Variants in ARHGEF4 observed in about 807,000 individuals in gnomAD.
The protein encoded by ARHGEF4 is APC-stimulated guanine nucleotide exchange factor 1.
Under a neutral mutation model 162.0 loss-of-function variants are expected in ARHGEF4, and 119 were observed. The ratio of observed to expected loss-of-function variants is 0.73; its 90% CI spans 0.63 to 0.86. The LOEUF is 0.86. Among genes scored for constraint, ARHGEF4 ranks in the 40% least tolerant of loss-of-function variants. ARHGEF4 has a pLI of 0.00. For synonymous variants in ARHGEF4, 1,014 were observed against 979.9 expected, an observed-to-expected ratio of 1.03 and a Z score of -0.65; for missense variants, 2,488 against 2,456.0, an observed-to-expected ratio of 1.01 and a Z score of -0.28.
chr2:130,919,204 T>C (rs1199361048), intron 2 of ARHGEF4, among the ~76,000 whole-genome samples: 1 of 152,234 alleles, frequency 6.6e-6, no homozygotes, highest in Non-Finnish European at 1.5e-5. Context: ...CTGATTGGCA[T>C]TGAGGTAATC....
At position 131,012,680 on chromosome 2, in the gene ARHGEF4, C is replaced by T. The variant is rs150177913; in HGVS notation, c.3986-15265C>T. Among the ~76,000 whole-genome samples the T allele has an allele frequency of 9.2e-3, 1,397 of 152,210 alleles. 22 individuals are homozygous for T. Among genetic ancestry groups the T allele is most frequent in the African/African-American group, 0.03 (1,258 of 41,528 alleles). On this transcript the variant is annotated intron_variant, in intron 4 of 13. Transcript: ENST00000409359. ...ACTGCAACCTCCGCCTCCTGGGTCC[C>T]AGTGATTCTCATGCCTCAGCCTCCT...
chr2:131,017,213 A>G (rs774139853), intron 4 of ARHGEF4, among the ~76,000 whole-genome samples: 2 of 152,204 alleles, frequency 1.3e-5, no homozygotes, highest in Non-Finnish European at 2.9e-5. Flanking sequence ...TGAGACCCAC[A>G]GTAGCTTTGT....
chr2:130,870,367 A>C (rs553680283), intron 1 of ARHGEF4, among the ~76,000 whole-genome samples: 1 of 152,276 alleles, frequency 6.6e-6, no homozygotes, highest in African/African-American at 2.4e-5. Flanking sequence ...GAAAAGCAGG[A>C]ATGGGCATGA....
Position 130,916,871 on chromosome 2 carries a change from A to AC in ARHGEF4, c.2928dup (p.Glu977ArgfsTer13). The AC allele has an allele frequency of 6.5e-7, 1 of 1,550,358 alleles. No individual in the cohort carries two copies. On this transcript the variant is annotated frameshift_variant, in exon 2 of 14. Transcript: ENST00000409359. LOFTEE classifies it high-confidence loss of function. ...CCACCCTAGTGAGTCTGCCTCTAGG[A>AC]CCCGAAGTTCTCTCCCCAGCAGAGA...
chr2:130,846,882 G>A (rs1286833218), intron 1 of ARHGEF4, among the ~76,000 whole-genome samples: 3 of 152,148 alleles, frequency 2.0e-5, no homozygotes, highest in Non-Finnish European at 4.4e-5. Flanking sequence ...CCCGGGGGTC[G>A]AGTTATGTGA....
chr2:131,023,332 T>G (rs1018801904), intron 4 of ARHGEF4, among the ~76,000 whole-genome samples: 2 of 151,352 alleles, frequency 1.3e-5, no homozygotes, highest in Non-Finnish European at 2.9e-5. Flanking sequence ...ACTCAGGAGG[T>G]TGAGGTGAGA....
intron 4 of ARHGEF4, among the ~76,000 whole-genome samples, chr2:130,952,046 A>G (rs1683990081): frequency 6.6e-6 from 1 of 152,164 alleles, no homozygotes; most frequent in Non-Finnish European, 1.5e-5. Flanking sequence ...ATACAGTTGC[A>G]TGTTAAGAGA....
chr2:131,023,171 G>A (rs1057385782), intron 4 of ARHGEF4, among the ~76,000 whole-genome samples: 1 of 150,340 alleles, frequency 6.7e-6, no homozygotes, highest in Non-Finnish European at 1.5e-5. Flanking sequence ...GTTTACACTT[G>A]TAATCTCAGC....
At chr2:130,921,620 C>G (rs1429706519) in intron 2 of ARHGEF4, among the ~76,000 whole-genome samples, 1 of 152,178 alleles carries the variant, frequency 6.6e-6, no homozygotes, top group Non-Finnish European at 1.5e-5. Flanking sequence ...TTTAGCCATT[C>G]TGCTAGGTGT....
intron 4 of ARHGEF4, among the ~76,000 whole-genome samples, chr2:130,967,973 G>A (rs1442943987): frequency 6.6e-6 from 1 of 152,166 alleles, no homozygotes; most frequent in East Asian, 1.9e-4. Context: ...AACCAGATAA[G>A]TTCCCCAAGC....
At chr2:130,866,385 G>A (rs1016092475) in intron 1 of ARHGEF4, among the ~76,000 whole-genome samples, 3 of 151,812 alleles carry the variant, frequency 2.0e-5, no homozygotes, top group Admixed American at 6.6e-5. Context: ...ACTCCGTCTG[G>A]AAAAAAAAGA....
At chr2:130,924,216 G>A (rs1470257667) in intron 2 of ARHGEF4, among the ~76,000 whole-genome samples, 1 of 151,352 alleles carries the variant, frequency 6.6e-6, no homozygotes, top group Non-Finnish European at 1.5e-5. Flanking sequence ...TTCCTCACCT[G>A]TGGATTGCTG....
chr2:131,046,135 C>T lies in ARHGEF4; in HGVS notation c.5577C>T (p.Arg1859=), dbSNP rs1439588165. The part of the protein sequence containing the change: ...QQVLVLAEPR[R]KPSTFWHSIS... ...TCCTGGTGCTGGCGGAGCCCAGGCGCAAGCCATCTACCTTCTGGCACAGCA... is the reference window on the plus strand; with the variant it reads ...TCCTGGTGCTGGCGGAGCCCAGGCGTAAGCCATCTACCTTCTGGCACAGCA... The change falls in exon 14 of 14, where the codon CGC becomes CGT. Residue 1859 remains arginine (R), a synonymous_variant. Coordinates refer to ENST00000409359, the MANE Select transcript of ARHGEF4 (RefSeq NM_001367493.1). 1 of 1,613,072 alleles carries T rather than the reference C, an allele frequency of 6.2e-7. No homozygotes were observed. Among genetic ancestry groups the T allele is most frequent in the African/African-American group, 1.3e-5 (1 of 75,062 alleles).
chr2:131,041,903 G>C lies in ARHGEF4; in HGVS notation c.4984G>C (p.Asp1662His). The C allele has an allele frequency of 1.9e-6, 3 of 1,613,644 alleles. No homozygotes were observed. Among genetic ancestry groups the C allele is most frequent in the South Asian group, 1.1e-5 (1 of 91,080 alleles). ...NERKRRLENI[D>H]KIAQWQSSIE... ...GCGGAAGCGGAGACTTGAGAACATC[G>C]ACAAGATTGCTCAGTGGCAGAGCTC... The change falls in exon 10 of 14, where the codon GAC becomes CAC. Residue 1662 changes from aspartate (D) to histidine (H), a missense_variant. Physicochemically the swap from Asp to His is moderately conservative, Grantham distance 81 (BLOSUM62 -1). Coordinates refer to ENST00000409359, the MANE Select transcript of ARHGEF4 (RefSeq NM_001367493.1).
chr2:130,992,437 G>T (rs959828282), intron 4 of ARHGEF4, among the ~76,000 whole-genome samples: 1 of 152,058 alleles, frequency 6.6e-6, no homozygotes, highest in Admixed American at 6.5e-5. Context: ...GCGAGACCAC[G>T]AGCCCACCGG....
chr2:131,009,939 T>C lies in ARHGEF4; in HGVS notation c.3986-18006T>C, dbSNP rs184782438. 4.5e-3 allele frequency among the ~76,000 whole-genome samples: 684 copies of C among 152,338 alleles called. 5 individuals are homozygous for C. The highest frequency in any genetic ancestry group is 8.1e-3 in the Non-Finnish European group (551 of 68,030). On this transcript the variant is annotated intron_variant, in intron 4 of 13. Coordinates refer to ENST00000409359, the MANE Select transcript of ARHGEF4 (RefSeq NM_001367493.1). ...ATAGTTTACAGTCTTTGGATTCTGTTGTTTCTCTGAAGAGGTTTTTGTTTT... is the reference window on the plus strand; with the variant it reads ...ATAGTTTACAGTCTTTGGATTCTGTCGTTTCTCTGAAGAGGTTTTTGTTTT...
chr2:131,038,826 C>T, intron 5 of ARHGEF4, 27 bp from the exon 6 acceptor site: 1 of 1,582,470 alleles, frequency 6.3e-7, no homozygotes. Flanking sequence ...CCCCCACTGA[C>T]CCGCCTGCCC....
At chr2:130,926,014 CTCTTTCTTTCTT>C (rs1553514612) in intron 2 of ARHGEF4, among the ~76,000 whole-genome samples, 4 of 97,206 alleles carry the variant, frequency 4.1e-5, no homozygotes, top group African/African-American at 2.0e-4. Context: ...TTGGTTTTCT[CTCTTTCTTTCTT>C]TCTTTCTTTC....
intron 1 of ARHGEF4, among the ~76,000 whole-genome samples, chr2:130,879,591 T>A (rs533340972): frequency 1.3e-5 from 2 of 152,152 alleles, no homozygotes; most frequent in South Asian, 4.1e-4. Flanking sequence ...ACTTTCCCAA[T>A]GCCCACACCC....
Sources: gnomAD v4.1 joint callset for allele counts (sites outside exome capture counted in the v4.1 genomes callset) on GRCh38, gnomAD v4.1.1 for gene constraint, MANE v1.5 for transcripts, NCBI Gene and HGNC (gene_info 2026-07-23, HGNC 2026-07-21) for gene names.